Variants in LOXHD1 observed in about 807,000 individuals in gnomAD.
LOXHD1 encodes the protein lipoxygenase homology domain-containing protein 1.
A neutral mutation model predicts 248.2 loss-of-function variants in LOXHD1; 205 were observed. The observed-to-expected ratio is 0.83, with a 90% CI of 0.74 to 0.93. LOXHD1 has a LOEUF of 0.93. LOXHD1 is among the 40% of genes least tolerant of loss of function. The pLI is 0.00. For synonymous variants in LOXHD1, 1,113 were observed against 1,162.8 expected (o/e 0.96, Z 0.87); for missense variants, 2,930 against 2,971.6 (o/e 0.99, Z 0.33).
Position 46,507,725 on chromosome 18 carries a change from G to T in LOXHD1, c.5518-13C>A, listed in dbSNP as rs1304711233. 5.8e-6 allele frequency: 9 copies of T among 1,545,326 alleles called. No individual in the cohort carries two copies. The highest frequency in any genetic ancestry group is 7.0e-6 in the Non-Finnish European group (8 of 1,142,362). Reference sequence around the variant, plus strand: ...TCTTCAGTAGGATCTGGGGGAGAGGGAGCCACCGTGGGAATGCCCTGTCCT... The same window carrying T: ...TCTTCAGTAGGATCTGGGGGAGAGGTAGCCACCGTGGGAATGCCCTGTCCT... On this transcript the variant is annotated splice_polypyrimidine_tract_variant and intron_variant, in intron 35 of 40. Transcript: ENST00000642948.
chr18:46,585,095 C>T (rs1005708232), intron 12 of LOXHD1, among the ~76,000 whole-genome samples: 1 of 152,058 alleles, frequency 6.6e-6, no homozygotes, highest in African/African-American at 2.4e-5. Flanking sequence ...CTATAAAACA[C>T]CCACAGCTAA....
intron 25 of LOXHD1, among the ~76,000 whole-genome samples, chr18:46,540,872 TAG>T (rs373450038): frequency 8.1e-4 from 123 of 152,294 alleles, no homozygotes; most frequent in Non-Finnish European, 1.5e-3. Flanking sequence ...CACTTCATTT[TAG>T]ACTTTGGATC....
chr18:46,485,157 A>T lies in LOXHD1; in HGVS notation c.6050-6T>A. ...TTCTATGACGATCTCGTAGGCTGTA[A>T]TGGAGGAGGTGGGGGAGGGTCAGCA... On this transcript the variant is annotated splice_polypyrimidine_tract_variant and splice_region_variant and intron_variant, in intron 38 of 40. Coordinates refer to ENST00000642948, the MANE Select transcript of LOXHD1 (RefSeq NM_001384474.1). 3.2e-6 allele frequency: 5 copies of T among 1,547,792 alleles called. No homozygotes were observed. The highest frequency in any genetic ancestry group is 3.5e-6 in the Non-Finnish European group (4 of 1,145,162).
At chr18:46,642,242 C>T (rs2038972224) in intron 2 of LOXHD1, among the ~76,000 whole-genome samples, 1 of 152,230 alleles carries the variant, frequency 6.6e-6, no homozygotes, top group African/African-American at 2.4e-5. Context: ...CCCTCACACC[C>T]AGGTTCTCAT....
chr18:46,533,079 T>C (rs2036144805), intron 28 of LOXHD1, 83 bp downstream of exon 28: 2 of 1,448,670 alleles, frequency 1.4e-6, no homozygotes, highest in Non-Finnish European at 1.9e-6. Context: ...TGAAGAGGCT[T>C]AGCCTGGCAC....
In LOXHD1 at chr18:46,569,648, C is replaced by T. The variant is rs770937839; in HGVS notation, c.2048-10G>A. The T allele has an allele frequency of 1.3e-6, 2 of 1,543,946 alleles. No homozygotes were observed. Among genetic ancestry groups the T allele is most frequent in the Non-Finnish European group, 8.8e-7 (1 of 1,140,732 alleles). ...ATGTGATAGCGAAAGTCTGAACAGC[C>T]CAAGGCAGAGGGAGGAAGGGAAGGG... is the stretch of plus-strand genomic sequence containing the variant. On this transcript the variant is annotated splice_polypyrimidine_tract_variant and intron_variant, in intron 15 of 40. Transcript: ENST00000642948.
intron 37 of LOXHD1, among the ~76,000 whole-genome samples, 176 bp from the exon 38 acceptor site, chr18:46,489,318 C>T (rs1038205497): frequency 6.6e-6 from 1 of 152,136 alleles, no homozygotes. Context: ...TCAGAGGGTT[C>T]CTCCAGCACA....
chr18:46,591,442 C>T (rs1055644362), intron 12 of LOXHD1, among the ~76,000 whole-genome samples: 1 of 152,194 alleles, frequency 6.6e-6, no homozygotes, highest in African/African-American at 2.4e-5. Flanking sequence ...ATGACTTCTT[C>T]CCTTTGGCTA....
At chr18:46,512,413 C>T (rs1055756534) in intron 34 of LOXHD1, among the ~76,000 whole-genome samples, 1 of 152,058 alleles carries the variant, frequency 6.6e-6, no homozygotes, top group African/African-American at 2.4e-5. Flanking sequence ...TGCCTAGACA[C>T]CCCCATTTCT....
At position 46,534,352 on chromosome 18, in the gene LOXHD1, G is replaced by T. The variant is rs1334282008; in HGVS notation, c.4195C>A (p.Leu1399Ile). 1.9e-6 allele frequency: 3 copies of T among 1,551,104 alleles called. No individual in the cohort carries two copies. In the Admixed American group the frequency reaches 5.9e-5, roughly 30 times the overall value. ...WHCSHVDIRRLLPDKDGAETL... is the reference protein window; with the variant it reads ...WHCSHVDIRRILPDKDGAETL... Reference sequence around the variant, plus strand: ...CAACTCACGTCTTTATCCGGGAGGAGCCTGCGGATGTCCACGTGAGAGCAG... The same window carrying T: ...CAACTCACGTCTTTATCCGGGAGGATCCTGCGGATGTCCACGTGAGAGCAG... Residue 1399 changes from leucine (L) to isoleucine (I), a missense_variant, in exon 27 of 41, where the codon CTC becomes ATC. Coordinates refer to ENST00000642948, the MANE Select transcript of LOXHD1 (RefSeq NM_001384474.1).
intron 8 of LOXHD1, among the ~76,000 whole-genome samples, chr18:46,600,625 A>AGGG (rs1568211016): frequency 5.9e-5 from 5 of 85,380 alleles, no homozygotes; most frequent in African/African-American, 2.1e-4. Context: ...GGAAGGAAGG[A>AGGG]AGGGAGGGAG....
At chr18:46,553,577 T>C (rs1466148784) in intron 21 of LOXHD1, among the ~76,000 whole-genome samples, 1 of 152,228 alleles carries the variant, frequency 6.6e-6, no homozygotes, top group Non-Finnish European at 1.5e-5. Flanking sequence ...GTGTATTTAA[T>C]AAGTATTTAT....
At chr18:46,557,812 G>C (rs1474158735) in intron 20 of LOXHD1, 2 of 1,269,222 alleles carry the variant, frequency 1.6e-6, no homozygotes, top group African/African-American at 3.0e-5. Flanking sequence ...TGGGTGTTTT[G>C]TGTGCAAGAG....
chr18:46,532,648 G>A lies in LOXHD1; in HGVS notation c.4375+514C>T, dbSNP rs184110946. ...TGATGAAGAATGGACGTGTTAACCA[G>A]CCCATCCAGAAATTCATGACCTTGG... On this transcript the variant is annotated intron_variant, in intron 28 of 40. Coordinates refer to ENST00000642948, the MANE Select transcript of LOXHD1 (RefSeq NM_001384474.1). Among the ~76,000 whole-genome samples, 51 of 152,306 alleles carry A rather than the reference G, an allele frequency of 3.3e-4. 1 individual carries two copies. The highest frequency in any genetic ancestry group is 3.3e-3 in the Admixed American group (50 of 15,296).
chr18:46,524,119 G>T (rs79419747), intron 31 of LOXHD1, among the ~76,000 whole-genome samples: 66 of 152,222 alleles, frequency 4.3e-4, no homozygotes, highest in African/African-American at 1.5e-3. Context: ...GTCCCCAAAT[G>T]ACCATCTCAG....
At chr18:46,487,062 C>T (rs545361235) in intron 38 of LOXHD1, among the ~76,000 whole-genome samples, 85 of 152,238 alleles carry the variant, frequency 5.6e-4, no homozygotes, top group African/African-American at 2.0e-3. Context: ...GGCAGGTAAA[C>T]GTGATGAGCC....
chr18:46,562,915 G>A, intron 18 of LOXHD1, 150 bp downstream of exon 18: 2 of 900,228 alleles, frequency 2.2e-6, no homozygotes, highest in Non-Finnish European at 3.3e-6. Flanking sequence ...CGAAAGCTCA[G>A]GTCTGGAGAG....
intron 33 of LOXHD1, chr18:46,520,694 T>G (rs2035533583): frequency 4.1e-6 from 1 of 243,362 alleles, no homozygotes. Context: ...ACCACTCTAC[T>G]GCTGTTGATG....
At chr18:46,494,290 TTCAATAAA>T (rs2033687956) in intron 37 of LOXHD1, among the ~76,000 whole-genome samples, 2 of 152,206 alleles carry the variant, frequency 1.3e-5, no homozygotes, top group African/African-American at 4.8e-5. Flanking sequence ...AGACTTAGCA[TTCAATAAA>T]CATAGAACTG....
Sources: gnomAD v4.1 joint callset for allele counts (sites outside exome capture counted in the v4.1 genomes callset) on GRCh38, gnomAD v4.1.1 for gene constraint, MANE v1.5 for transcripts, NCBI Gene and HGNC (gene_info 2026-07-23, HGNC 2026-07-21) for gene names.